The following TMA16 variants were observed in gnomAD, a reference collection of about 807,000 sequenced individuals.
TMA16 encodes translation machinery associated 16 homolog.
A neutral mutation model predicts 27.1 loss-of-function variants in TMA16; 26 were observed. The ratio of observed to expected loss-of-function variants is 0.96; its 90% confidence interval spans 0.70 to 1.33. The LOEUF (loss-of-function observed/expected upper bound fraction) is 1.33, where lower values mean the gene tolerates loss of function less well. Among genes scored for constraint, TMA16 ranks in the 40% most tolerant of loss-of-function variants. The pLI is 0.00. For synonymous variants in TMA16, 71 were observed against 81.9 expected (o/e 0.87, Z 0.72); for missense variants, 233 against 241.4 (o/e 0.97, Z 0.23).
chr4:163,514,031 G>T, intron 3 of TMA16, 43 bp from the exon 4 acceptor site: 1 of 1,427,470 alleles, frequency 7.0e-7, no homozygotes, highest in Non-Finnish European at 9.6e-7. Context: ...TTGCTTAAAT[G>T]ATGACTTGTG....
intron 1 of TMA16, among the ~76,000 whole-genome samples, chr4:163,500,507 G>A (rs1737634072): frequency 2.0e-5 from 3 of 151,984 alleles, no homozygotes; most frequent in African/African-American, 2.4e-5. Context: ...CACTGTGTCC[G>A]GCCCCATTAT....
At chr4:163,513,486 T>A (rs1247464794) in intron 3 of TMA16, among the ~76,000 whole-genome samples, 2 of 152,176 alleles carry the variant, frequency 1.3e-5, no homozygotes, top group Non-Finnish European at 2.9e-5. Flanking sequence ...GACGGTCAGG[T>A]TTACTCACAA....
intron 1 of TMA16, among the ~76,000 whole-genome samples, chr4:163,504,296 C>G (rs1206049771): frequency 6.6e-6 from 1 of 152,138 alleles, no homozygotes; most frequent in Non-Finnish European, 1.5e-5. Context: ...TTTGGTCTTG[C>G]ATTAGTCATT....
Position 163,515,205 on chromosome 4 carries a change from T to C in TMA16, c.240-108T>C. ...AGGACCTGAGGAACTCAGAGAAACA[T>C]AAACATTTAAAGGCCACATGAAGGC... On this transcript the variant is annotated intron_variant, in intron 4 of 6. Transcript: ENST00000358572. The C allele has an allele frequency of 4.4e-6, 5 of 1,144,366 alleles. No individual in the cohort carries two copies. In the South Asian group the frequency reaches 1.0e-4, roughly 23 times the overall value. 70.9% of individuals were successfully genotyped at this position (1,144,366 alleles called of 1,614,324 possible). A position where few individuals can be genotyped will look rare whatever the true frequency, so the allele number is the denominator to read the frequency against.
intron 2 of TMA16, 60 bp downstream of exon 2, chr4:163,507,205 C>T: frequency 1.5e-6 from 2 of 1,378,740 alleles, no homozygotes; most frequent in Admixed American, 4.3e-5. Context: ...ATACTTTTAT[C>T]TTTCAAACAT....
intron 1 of TMA16, among the ~76,000 whole-genome samples, chr4:163,499,037 C>T (rs1296829276): frequency 6.6e-6 from 1 of 152,122 alleles, no homozygotes; most frequent in Non-Finnish European, 1.5e-5. Flanking sequence ...ACTAATACAC[C>T]CACACCCCCA....
rs980898648 is a variant in TMA16, at chr4:163,501,865, G to A, written c.4-5168G>A. On this transcript the variant is annotated intron_variant, in intron 1 of 6. Coordinates refer to ENST00000358572, the MANE Select transcript of TMA16 (RefSeq NM_018352.3). ...AGATCTCAGGTTACTTTCTCAGGGA[G>A]GCCTTTCCTTACTTCCCAAAGTGAG... Among the ~76,000 whole-genome samples, 5 of 152,224 alleles carry A rather than the reference G, an allele frequency of 3.3e-5. No individual in the cohort carries two copies. The South Asian group carries it at 8.3e-4, about 25-fold the overall frequency.
intron 2 of TMA16, 78 bp downstream of exon 2, chr4:163,507,223 T>A (rs1185426248): frequency 1.2e-5 from 15 of 1,223,546 alleles, no homozygotes; most frequent in Non-Finnish European, 1.7e-5. Context: ...CATATATCCT[T>A]TCACAGTATT....
intron 1 of TMA16, among the ~76,000 whole-genome samples, chr4:163,498,286 A>ATT (rs10608478): frequency 0.11 from 13,676 of 125,626 alleles, 833 homozygotes; most frequent in East Asian, 0.13. Flanking sequence ...TGGTTAAAAG[A>ATT]TTTTTTTTTT....
intron 2 of TMA16, among the ~76,000 whole-genome samples, chr4:163,509,085 A>G (rs1737755534): frequency 6.6e-6 from 1 of 152,216 alleles, no homozygotes; most frequent in African/African-American, 2.4e-5. Flanking sequence ...TCTAGAACCA[A>G]ATATACAATT....
intron 5 of TMA16, among the ~76,000 whole-genome samples, chr4:163,516,311 TTC>T (rs1737876547): frequency 6.6e-6 from 1 of 152,230 alleles, no homozygotes; most frequent in Non-Finnish European, 1.5e-5. Flanking sequence ...TGTCACCAAA[TTC>T]TGTTTTGATA....
intron 1 of TMA16, among the ~76,000 whole-genome samples, chr4:163,503,615 C>G (rs1737678794): frequency 1.3e-5 from 2 of 152,176 alleles, no homozygotes. Flanking sequence ...AATAGACTTT[C>G]AGACTGAATT....
In TMA16 at chr4:163,514,087, A is replaced by G. The variant is rs367965842; in HGVS notation, c.168A>G (p.Gln56=). Residue 56 remains glutamine (Q), a synonymous_variant, in exon 4 of 7, where the codon CAA becomes CAG. Coordinates refer to ENST00000358572, the MANE Select transcript of TMA16 (RefSeq NM_018352.3). ...TGTTGTTTATAGGTGAAAAACTGCAATGGTTTCAAAATCATCTTGATCCCC... is the reference window on the plus strand; with the variant it reads ...TGTTGTTTATAGGTGAAAAACTGCAGTGGTTTCAAAATCATCTTGATCCCC... ...LRLNLVGEKL[Q]WFQNHLDPQK... 1.1e-4 allele frequency: 170 copies of G among 1,608,852 alleles called. 1 individual carries two copies. Among genetic ancestry groups the G allele is most frequent in the East Asian group, 9.6e-4 (43 of 44,650 alleles).
intron 2 of TMA16, 96 bp from the exon 3 acceptor site, chr4:163,512,726 A>C: frequency 1.3e-6 from 1 of 784,828 alleles, no homozygotes; most frequent in Non-Finnish European, 2.1e-6. Context: ...TTTTAATTAG[A>C]GTTCTTTAGG....
At chr4:163,499,305 C>CT in intron 1 of TMA16, among the ~76,000 whole-genome samples, 1 of 152,034 alleles carries the variant, frequency 6.6e-6, no homozygotes, top group South Asian at 2.1e-4. Context: ...GAAGTTCAGA[C>CT]TTTTAAGTTT....
chr4:163,505,592 A>G (rs1051137885), intron 1 of TMA16, among the ~76,000 whole-genome samples: 3 of 152,214 alleles, frequency 2.0e-5, no homozygotes, highest in Non-Finnish European at 4.4e-5. Flanking sequence ...AAGTTATGAA[A>G]TAGCTTGGTA....
At chr4:163,513,261 T>G (rs374387287) in intron 3 of TMA16, among the ~76,000 whole-genome samples, 1 of 152,214 alleles carries the variant, frequency 6.6e-6, no homozygotes, top group Admixed American at 6.5e-5. Flanking sequence ...ATGTCACTGT[T>G]TTTTTGGTCA....
intron 2 of TMA16, 162 bp from the exon 3 acceptor site, chr4:163,512,660 A>C: frequency 1.9e-6 from 1 of 518,538 alleles, no homozygotes; most frequent in East Asian, 3.0e-5. Context: ...AAAGAGAAGC[A>C]TAGTATTTAA....
chr4:163,494,861 T>A, intron 1 of TMA16, 57 bp downstream of exon 1: 1 of 1,607,208 alleles, frequency 6.2e-7, no homozygotes. Flanking sequence ...AGGCTCTTGT[T>A]GAGCAGGCAG....
Sources: gnomAD v4.1 joint callset for allele counts (sites outside exome capture counted in the v4.1 genomes callset) on GRCh38, gnomAD v4.1.1 for gene constraint, MANE v1.5 for transcripts, NCBI Gene and HGNC (gene_info 2026-07-23, HGNC 2026-07-21) for gene names.